Variants in ALG6 observed in about 807,000 individuals in gnomAD.
The protein encoded by ALG6 is ALG6 alpha-1,3-glucosyltransferase, also known as dolichyl pyrophosphate Man9GlcNAc2 alpha-1,3-glucosyltransferase.
In ALG6, 46 loss-of-function variants were observed where a neutral mutation model predicts 66.6. The ratio of observed to expected loss-of-function variants is 0.69; its 90% confidence interval spans 0.55 to 0.88. ALG6 has a LOEUF of 0.88. ALG6 is among the 40% of genes least tolerant of loss of function. The pLI is 0.00. For synonymous variants in ALG6, 185 were observed against 203.7 expected (o/e 0.91, Z 0.78); for missense variants, 505 against 586.8 (o/e 0.86, Z 1.44).
chr1:63,427,063 C>T (rs1469901586), intron 12 of ALG6, among the ~76,000 whole-genome samples: 7 of 151,968 alleles, frequency 4.6e-5, no homozygotes, highest in Non-Finnish European at 8.8e-5. Flanking sequence ...TGCAGTGGCA[C>T]GATCTCGGCT....
chr1:63,374,978 G>A (rs1424343816), intron 2 of ALG6, among the ~76,000 whole-genome samples: 1 of 152,098 alleles, frequency 6.6e-6, no homozygotes, highest in African/African-American at 2.4e-5. Context: ...GGGAGGCTGA[G>A]GCAGGGGGAT....
intron 10 of ALG6, among the ~76,000 whole-genome samples, chr1:63,415,416 A>G (rs947225301): frequency 6.6e-6 from 1 of 152,082 alleles, no homozygotes; most frequent in Non-Finnish European, 1.5e-5. Flanking sequence ...ATGATTTACC[A>G]TGGGCTTGAA....
intron 2 of ALG6, among the ~76,000 whole-genome samples, chr1:63,387,001 TTGAAGAAATTTTTAAATTTTC>T (rs1266909909): frequency 6.6e-6 from 1 of 152,206 alleles, no homozygotes; most frequent in East Asian, 1.9e-4. Flanking sequence ...TTTCATTTGT[TTGAAGAAATTTTTAAATTTTC>T]TTCTTAATTT....
In ALG6 at chr1:63,400,244, CGTAT is replaced by C. The variant is rs1308420119; in HGVS notation, c.168-2009_168-2006del. 5.3e-4 allele frequency among the ~76,000 whole-genome samples: 8 copies of C among 15,162 alleles called. 3 individuals carry two copies. The highest frequency in any genetic ancestry group is 8.9e-4 in the Non-Finnish European group (8 of 8,948). 9.9% of individuals were successfully genotyped at this position (15,162 alleles called of 152,430 possible). Reference sequence around the variant, plus strand: ...ATACGTATATATATATATATATATACGTATATATATGTATATATATATACGTATA... The same window carrying C: ...ATACGTATATATATATATATATATACATATATGTATATATATATACGTATA... On this transcript the variant is annotated intron_variant, in intron 3 of 14. Transcript: ENST00000263440.
rs780484462 is a variant in ALG6, at chr1:63,415,854, A to C, written c.903-19A>C. 1.3e-6 allele frequency: 2 copies of C among 1,521,208 alleles called. No individual in the cohort carries two copies. The highest frequency in any genetic ancestry group is 2.3e-5 in the South Asian group (2 of 88,104). 94.2% of individuals were successfully genotyped at this position (1,521,208 alleles called of 1,614,324 possible). A position where few individuals can be genotyped will look rare whatever the true frequency, so the allele number is the denominator to read the frequency against. ...CCTCTACAAAGAAGACAAATATTTG[A>C]TTTGTATTAATTTTTTAGCTTTTGT... On this transcript the variant is annotated intron_variant, in intron 10 of 14. Coordinates refer to ENST00000263440, the MANE Select transcript of ALG6 (RefSeq NM_013339.4).
intron 2 of ALG6, among the ~76,000 whole-genome samples, chr1:63,374,221 A>G (rs1648038801): frequency 2.6e-5 from 4 of 152,354 alleles, no homozygotes; most frequent in Admixed American, 2.0e-4. Flanking sequence ...ACTTAAATGT[A>G]GCAGTTGACT....
At chr1:63,408,796 A>T (rs1483984183) in intron 7 of ALG6, among the ~76,000 whole-genome samples, 2 of 152,076 alleles carry the variant, frequency 1.3e-5, no homozygotes, top group African/African-American at 2.4e-5. Flanking sequence ...TTTGAGACGG[A>T]GTTTCGGAGT....
intron 14 of ALG6, among the ~76,000 whole-genome samples, chr1:63,435,126 T>G (rs2100446473): frequency 6.6e-6 from 1 of 152,288 alleles, no homozygotes; most frequent in East Asian, 1.9e-4. Context: ...ATGGGTTCAC[T>G]AGTGAATGGG....
At chr1:63,424,044 T>C (rs1644601925) in intron 12 of ALG6, among the ~76,000 whole-genome samples, 3 of 152,236 alleles carry the variant, frequency 2.0e-5, no homozygotes, top group Admixed American at 2.0e-4. Context: ...GTGATTCTGA[T>C]TTGCATATCC....
At chr1:63,429,850 A>AGTAT (rs1553156960) in intron 14 of ALG6, 1 of 144,276 alleles carries the variant, frequency 6.9e-6, no homozygotes, top group East Asian at 2.1e-4. Flanking sequence ...TCTTTCACTT[A>AGTAT]GTGTGTGTGT....
At chr1:63,368,274 A>G (rs1356653103) in intron 1 of ALG6, among the ~76,000 whole-genome samples, 1 of 152,162 alleles carries the variant, frequency 6.6e-6, no homozygotes, top group African/African-American at 2.4e-5. Context: ...GAGAGTCGTT[A>G]AAAGCCTCGC....
chr1:63,412,071 A>T lies in ALG6; in HGVS notation c.816+10A>T, dbSNP rs529032571. On this transcript the variant is annotated intron_variant, in intron 9 of 14. Coordinates refer to ENST00000263440, the MANE Select transcript of ALG6 (RefSeq NM_013339.4). ...TCGTGGATTATTTGAGGCATGTTTA[A>T]ACACTTTCCTCTCCTTTCTGTTACT... 4.0e-5 allele frequency: 65 copies of T among 1,613,992 alleles called. No homozygotes were observed. In the East Asian group the frequency reaches 1.3e-3, roughly 33 times the overall value.
At chr1:63,388,291 A>C (rs1648566713) in intron 2 of ALG6, among the ~76,000 whole-genome samples, 1 of 148,980 alleles carries the variant, frequency 6.7e-6, no homozygotes, top group Non-Finnish European at 1.5e-5. Context: ...TCAGCCTCCC[A>C]AGTAGCTGAG....
chr1:63,384,521 G>A (rs1049978206), intron 2 of ALG6, among the ~76,000 whole-genome samples: 2 of 151,972 alleles, frequency 1.3e-5, no homozygotes, highest in African/African-American at 4.8e-5. Context: ...TTTTTGCTTT[G>A]GTTGCTTGTG....
Position 63,428,898 on chromosome 1 carries a change from C to T in ALG6, c.1128-30C>T, listed in dbSNP as rs774613647. The T allele has an allele frequency of 1.8e-5, 29 of 1,601,258 alleles. No homozygotes were observed. The South Asian group carries it at 2.8e-4, about 15-fold the overall frequency. The stretch of plus-strand genomic sequence containing the variant: ...GGTTATGGTTTGAATTGATAATTCT[C>T]TTGTGATTTTTAAAAATTTTCCTTT... On this transcript the variant is annotated intron_variant, in intron 13 of 14. Transcript: ENST00000263440.
At chr1:63,406,554 AT>A (rs1477683554) in intron 6 of ALG6, among the ~76,000 whole-genome samples, 155 bp downstream of exon 6, 1 of 152,110 alleles carries the variant, frequency 6.6e-6, no homozygotes, top group African/African-American at 2.4e-5. Flanking sequence ...GCATCAACTT[AT>A]CTTACAGTAA....
At chr1:63,426,675 C>G (rs908089869) in intron 12 of ALG6, among the ~76,000 whole-genome samples, 5 of 152,052 alleles carry the variant, frequency 3.3e-5, no homozygotes, top group African/African-American at 1.2e-4. Flanking sequence ...TCCCAAGTAA[C>G]AAGTACCCCA....
Position 63,437,019 on chromosome 1 carries a change from AG to A in ALG6, c.1524del (p.Ter508TyrfsTer10), listed in dbSNP as rs759636698. 8.1e-6 allele frequency: 13 copies of A among 1,611,850 alleles called. No homozygotes were observed. In the South Asian group the frequency reaches 1.4e-4, roughly 18 times the overall value. On this transcript the variant is annotated frameshift_variant and stop_lost, in exon 15 of 15. Coordinates refer to ENST00000263440, the MANE Select transcript of ALG6 (RefSeq NM_013339.4). LOFTEE classifies it high-confidence loss of function. ...GGAAGAAATCAGAAGAAAATCAGCT[AG>A]CTGTATTCCTAAACAAATTGTTTCC... ...KSGRNQKKIS[*>X]
At chr1:63,421,150 G>A (rs1036049098) in intron 12 of ALG6, among the ~76,000 whole-genome samples, 1 of 151,918 alleles carries the variant, frequency 6.6e-6, no homozygotes, top group African/African-American at 2.4e-5. Context: ...TGGAGGATGG[G>A]ATGCAGGTAG....
Sources: allele counts gnomAD v4.1 joint callset (sites outside exome capture counted in the v4.1 genomes callset), GRCh38; gene constraint gnomAD v4.1.1; transcripts MANE v1.5; gene names NCBI Gene and HGNC (gene_info 2026-07-23, HGNC 2026-07-21).